RBFOX2: variants seen among roughly 807,000 people sequenced by gnomAD.
RBFOX2 encodes RNA binding fox-1 homolog 2.
In RBFOX2, 10 loss-of-function variants were observed where a neutral mutation model predicts 49.1. The observed-to-expected ratio is 0.20, with a 90% CI of 0.13 to 0.35. The LOEUF is 0.35. Ranked by LOEUF, RBFOX2 falls within the 10% of genes least tolerant of loss-of-function variation. RBFOX2 has a pLI of 1.00. For synonymous variants in RBFOX2, 183 were observed against 187.4 expected (o/e 0.98, Z 0.19); for missense variants, 323 against 486.9 (o/e 0.66, Z 3.17).
At chr22:35,846,824 A>G (rs1021328852) in intron 1 of RBFOX2, among the ~76,000 whole-genome samples, 1 of 152,142 alleles carries the variant, frequency 6.6e-6, no homozygotes, top group Non-Finnish European at 1.5e-5. Context: ...AATATCCTTA[A>G]GCTGTCCTTG....
At chr22:35,914,482 G>A (rs529170201) in intron 1 of RBFOX2, among the ~76,000 whole-genome samples, 1 of 152,188 alleles carries the variant, frequency 6.6e-6, no homozygotes, top group Admixed American at 6.5e-5. Flanking sequence ...ACTAGTTACT[G>A]GCAGAATTGG....
At chr22:35,784,612 A>G (rs1436859843) in intron 2 of RBFOX2, among the ~76,000 whole-genome samples, 3 of 152,260 alleles carry the variant, frequency 2.0e-5, no homozygotes, top group Non-Finnish European at 2.9e-5. Context: ...GCATCCTTCA[A>G]TGAAGACAGA....
At chr22:35,967,536 A>G (rs1164827740) in intron 1 of RBFOX2, among the ~76,000 whole-genome samples, 2 of 152,212 alleles carry the variant, frequency 1.3e-5, no homozygotes, top group Non-Finnish European at 2.9e-5. Context: ...GTATGCACCC[A>G]GGGCTGTGTT....
chr22:35,768,441 A>T, intron 4 of RBFOX2, 92 bp from the exon 6 acceptor site: 2 of 1,137,480 alleles, frequency 1.8e-6, no homozygotes, highest in Non-Finnish European at 1.3e-6. Flanking sequence ...TCATAGTATG[A>T]AACTGACATC....
intron 1 of RBFOX2, chr22:35,994,845 C>G (rs892906764): frequency 6.6e-6 from 1 of 152,188 alleles, no homozygotes; most frequent in African/African-American, 2.4e-5. Flanking sequence ...GAGTGCAGCT[C>G]TATAGCCACA....
chr22:36,022,208 A>C (rs560056059), intron 1 of RBFOX2, among the ~76,000 whole-genome samples: 1 of 152,356 alleles, frequency 6.6e-6, no homozygotes, highest in African/African-American at 2.4e-5. Flanking sequence ...AGAGATGTTA[A>C]ACTAGAGATT....
intron 10 of RBFOX2, 142 bp downstream of exon 12, chr22:35,746,331 A>G: frequency 6.8e-6 from 5 of 733,164 alleles, no homozygotes; most frequent in Admixed American, 2.6e-5. Context: ...GGCCATCAAG[A>G]GGTCTGCAGA....
chr22:35,831,963 T>TA (rs1956887128), intron 1 of RBFOX2, among the ~76,000 whole-genome samples: 3 of 152,202 alleles, frequency 2.0e-5, no homozygotes, highest in Non-Finnish European at 4.4e-5. Flanking sequence ...GCATGCTTTA[T>TA]AGTGGAGAGA....
intron 1 of RBFOX2, among the ~76,000 whole-genome samples, chr22:35,894,853 C>G (rs753441403): frequency 1.3e-5 from 2 of 151,728 alleles, no homozygotes; most frequent in Non-Finnish European, 2.9e-5. Flanking sequence ...TCAAACTCAG[C>G]GGTCAGTGGA....
In RBFOX2 at chr22:35,779,329, T is replaced by G. The variant is rs1042878855; in HGVS notation, c.400-1251A>C. Among the ~76,000 whole-genome samples, 3 of 152,160 alleles carry G rather than the reference T, an allele frequency of 2.0e-5. No homozygotes were observed. The East Asian group carries it at 5.8e-4, about 29-fold the overall frequency. On this transcript the variant is annotated intron_variant, in intron 3 of 11. Transcript: ENST00000405409. The stretch of plus-strand genomic sequence containing the variant: ...AGTCATACCTGATTATCTACTTCAC[T>G]TGGGTTTCAAACCAGACTTTGGGAA...
At chr22:36,024,981 G>C (rs749105852) in intron 1 of RBFOX2, among the ~76,000 whole-genome samples, 1 of 151,616 alleles carries the variant, frequency 6.6e-6, no homozygotes, top group Non-Finnish European at 1.5e-5. Context: ...CTAATTTTTT[G>C]TATTTTTAGT....
rs187420618 is a variant in RBFOX2 at position 36,015,347 on chromosome 22, G to A, written c.186+12893C>T. Among the ~76,000 whole-genome samples the A allele has an allele frequency of 6.7e-4, 102 of 152,300 alleles. 1 individual carries two copies. In the South Asian group the frequency reaches 0.012, roughly 18 times the overall value. On this transcript the variant is annotated intron_variant, in intron 1 of 13. Coordinates refer to the RBFOX2 transcript ENST00000438146. ...AGTACTCTGCATTCTTTTAAACAAG[G>A]TGTGCATAGCATAAGACCAGGGTCA...
intron 1 of RBFOX2, among the ~76,000 whole-genome samples, chr22:35,826,342 C>CAAAAAAAAAAAAAA (rs1160241662): frequency 1.6e-5 from 1 of 62,212 alleles, no homozygotes; most frequent in Non-Finnish European, 3.3e-5. Context: ...AACTCCATCT[C>CAAAAAAAAAAAAAA]AAAAAAAAAA....
At chr22:36,007,436 A>C (rs1197937244) in intron 1 of RBFOX2, among the ~76,000 whole-genome samples, 1 of 152,114 alleles carries the variant, frequency 6.6e-6, no homozygotes, top group Non-Finnish European at 1.5e-5. Context: ...CCAACACACA[A>C]CTTGACTCAT....
intron 1 of RBFOX2, among the ~76,000 whole-genome samples, chr22:35,852,269 T>C (rs2042025854): frequency 6.6e-6 from 1 of 152,236 alleles, no homozygotes; most frequent in African/African-American, 2.4e-5. Context: ...TTTTGGTATC[T>C]GCAGGGGTGT....
chr22:35,961,650 T>G, exon 1 of RBFOX2: 1 of 1,304,062 alleles, frequency 7.7e-7, no homozygotes, highest in Non-Finnish European at 1.0e-6. Flanking sequence ...TGCTCTCCCC[T>G]TGCACACAGC....
intron 1 of RBFOX2, among the ~76,000 whole-genome samples, chr22:35,911,479 T>G (rs2049823438): frequency 6.6e-6 from 1 of 152,154 alleles, no homozygotes; most frequent in Non-Finnish European, 1.5e-5. Context: ...GTTTTGCATC[T>G]TTTAAAAATC....
exon 12 of RBFOX2, chr22:35,743,717 A>C (rs1460394085): frequency 6.5e-6 from 1 of 152,800 alleles, no homozygotes; most frequent in Non-Finnish European, 1.5e-5. Context: ...CCAGAAACTC[A>C]GAAGACTAGA....
At chr22:35,931,164 G>C (rs1483462474) in intron 1 of RBFOX2, among the ~76,000 whole-genome samples, 1 of 152,100 alleles carries the variant, frequency 6.6e-6, no homozygotes, top group Non-Finnish European at 1.5e-5. Context: ...AACTATTGAT[G>C]GGTGACCTGA....
Sources: gnomAD v4.1 joint callset for allele counts (sites outside exome capture counted in the v4.1 genomes callset) on GRCh38, gnomAD v4.1.1 for gene constraint, MANE v1.5 for transcripts, NCBI Gene and HGNC (gene_info 2026-07-23, HGNC 2026-07-21) for gene names.